DSCAM: variants seen among roughly 807,000 people sequenced by gnomAD.
DSCAM encodes the protein cell adhesion molecule DSCAM.
DSCAM carries 47 observed loss-of-function variants against 217.7 expected under a neutral mutation model. That is an observed-to-expected ratio of 0.22 (90% CI 0.17 to 0.28). The LOEUF (loss-of-function observed/expected upper bound fraction) is 0.28, where lower values mean the gene tolerates loss of function less well. DSCAM is among the 10% of genes least tolerant of loss of function. The pLI is 1.00. For synonymous variants in DSCAM, 1,056 were observed against 1,015.3 expected, an observed-to-expected ratio of 1.04 and a Z score of -0.76; for missense variants, 2,080 against 2,618.3, an observed-to-expected ratio of 0.79 and a Z score of 4.49.
rs539371612 is a variant in DSCAM at position 40,405,918 on chromosome 21, T to A, written c.509-36673A>T. Reference sequence around the variant, plus strand: ...AGGGCAAGGCATGAGAATCGCTTGATCCTGGGAGGGAGCAGTTGCAGCGAG... The same window carrying A: ...AGGGCAAGGCATGAGAATCGCTTGAACCTGGGAGGGAGCAGTTGCAGCGAG... On this transcript the variant is annotated intron_variant, in intron 3 of 32. Coordinates refer to ENST00000400454, the MANE Select transcript of DSCAM (RefSeq NM_001389.5). 7.2e-5 allele frequency among the ~76,000 whole-genome samples: 11 copies of A among 152,216 alleles called. 1 individual carries two copies. Among genetic ancestry groups the A allele is most frequent in the African/African-American group, 2.4e-4 (10 of 41,546 alleles).
chr21:40,033,730 A>G (rs947684358), intron 32 of DSCAM, among the ~76,000 whole-genome samples: 24 of 151,694 alleles, frequency 1.6e-4, no homozygotes, highest in Admixed American at 2.6e-4. Context: ...GGGGCAGGGC[A>G]CAGACAAACA....
chr21:40,703,947 A>G (rs1185913486), intron 2 of DSCAM, among the ~76,000 whole-genome samples: 1 of 152,010 alleles, frequency 6.6e-6, no homozygotes, highest in Non-Finnish European at 1.5e-5. Flanking sequence ...AGGTTCCCAT[A>G]TTCTCCCTCT....
chr21:40,251,143 G>C (rs1415076654), intron 11 of DSCAM, among the ~76,000 whole-genome samples: 1 of 152,232 alleles, frequency 6.6e-6, no homozygotes, highest in Non-Finnish European at 1.5e-5. Flanking sequence ...TAAGGGACCA[G>C]AGTCAAATGG....
At chr21:40,073,845 C>T (rs564659924) in intron 27 of DSCAM, among the ~76,000 whole-genome samples, 21 of 152,262 alleles carry the variant, frequency 1.4e-4, no homozygotes, top group East Asian at 5.8e-4. Context: ...ATAATTGGTT[C>T]GCACGATTGC....
intron 4 of DSCAM, among the ~76,000 whole-genome samples, chr21:40,364,690 G>GTATA (rs71186930): frequency 0.04 from 5,748 of 143,968 alleles, 162 homozygotes; most frequent in African/African-American, 0.07. Flanking sequence ...AAAAAAAAGT[G>GTATA]TATATATATA....
At chr21:40,344,552 GTCTT>G (rs996411329) in intron 6 of DSCAM, among the ~76,000 whole-genome samples, 4 of 152,116 alleles carry the variant, frequency 2.6e-5, no homozygotes, top group African/African-American at 9.7e-5. Context: ...GCAGGGCTGT[GTCTT>G]TGTTTTTCGT....
At chr21:40,442,527 T>G (rs2145915764) in intron 3 of DSCAM, among the ~76,000 whole-genome samples, 1 of 142,226 alleles carries the variant, frequency 7.0e-6, no homozygotes, top group Middle Eastern at 3.5e-3. Context: ...GTTTTTTTTT[T>G]TTTTTTTGGT....
chr21:40,069,443 C>T (rs2089257580), intron 27 of DSCAM, among the ~76,000 whole-genome samples: 1 of 152,180 alleles, frequency 6.6e-6, no homozygotes, highest in Non-Finnish European at 1.5e-5. Context: ...GGGAGAGTGC[C>T]CACCATGGCC....
At chr21:40,083,266 TAAAAATAC>T (rs1287413695) in intron 24 of DSCAM, among the ~76,000 whole-genome samples, 4 of 152,120 alleles carry the variant, frequency 2.6e-5, no homozygotes, top group Non-Finnish European at 4.4e-5. Flanking sequence ...CCGTCTCTAG[TAAAAATAC>T]AAAAACTAAC....
chr21:40,436,219 G>A (rs1452295411), intron 3 of DSCAM, among the ~76,000 whole-genome samples: 2 of 152,182 alleles, frequency 1.3e-5, no homozygotes, highest in East Asian at 1.9e-4. Flanking sequence ...AAATTAAAGT[G>A]TCTCTGTATC....
chr21:40,169,850 CT>C (rs1489843958), intron 15 of DSCAM, among the ~76,000 whole-genome samples: 1 of 152,100 alleles, frequency 6.6e-6, no homozygotes, highest in Admixed American at 6.5e-5. Flanking sequence ...CAAATGGCCC[CT>C]GTCCTATGCT....
At chr21:40,438,069 T>C (rs1650300769) in intron 3 of DSCAM, among the ~76,000 whole-genome samples, 1 of 152,192 alleles carries the variant, frequency 6.6e-6, no homozygotes, top group Non-Finnish European at 1.5e-5. Flanking sequence ...ATGAAGTTTC[T>C]GGCAGTAGCA....
chr21:40,762,070 C>A (rs1051603029), intron 1 of DSCAM, among the ~76,000 whole-genome samples: 1 of 152,068 alleles, frequency 6.6e-6, no homozygotes, highest in Non-Finnish European at 1.5e-5. Flanking sequence ...CAAGAGCAAA[C>A]GAATTCAAAA....
At chr21:40,442,801 T>C (rs1347901594) in intron 3 of DSCAM, among the ~76,000 whole-genome samples, 1 of 152,120 alleles carries the variant, frequency 6.6e-6, no homozygotes, top group East Asian at 1.9e-4. Flanking sequence ...TGAGCCACCA[T>C]GCCTGGCCGA....
chr21:40,322,127 C>T (rs2074266629), intron 8 of DSCAM, among the ~76,000 whole-genome samples: 1 of 152,156 alleles, frequency 6.6e-6, no homozygotes. Flanking sequence ...CTGCATTTGT[C>T]TTCTTTGTCT....
chr21:40,277,199 T>C (rs1442822660), intron 10 of DSCAM, among the ~76,000 whole-genome samples: 1 of 152,078 alleles, frequency 6.6e-6, no homozygotes, highest in Non-Finnish European at 1.5e-5. Context: ...GTGAGGATCT[T>C]CCTGGAGGAA....
At chr21:40,547,478 T>C (rs2146146997) in intron 3 of DSCAM, among the ~76,000 whole-genome samples, 1 of 152,302 alleles carries the variant, frequency 6.6e-6, no homozygotes, top group African/African-American at 2.4e-5. Context: ...ACCATTCTCC[T>C]CAAGGTTAAA....
intron 3 of DSCAM, among the ~76,000 whole-genome samples, chr21:40,617,700 T>C (rs2072761762): frequency 6.6e-6 from 1 of 152,250 alleles, no homozygotes; most frequent in East Asian, 1.9e-4. Context: ...CCAGTCGTTA[T>C]GGTTGAAACT....
intron 3 of DSCAM, among the ~76,000 whole-genome samples, chr21:40,657,918 T>G (rs1031166919): frequency 6.6e-6 from 1 of 152,212 alleles, no homozygotes; most frequent in Non-Finnish European, 1.5e-5. Context: ...AATGATAACC[T>G]GTTTACAAAA....
Sources: allele counts gnomAD v4.1 joint callset (sites outside exome capture counted in the v4.1 genomes callset), GRCh38; gene constraint gnomAD v4.1.1; transcripts MANE v1.5; gene names NCBI Gene and HGNC (gene_info 2026-07-23, HGNC 2026-07-21).